RARB: variants seen among roughly 807,000 people sequenced by gnomAD.
The protein encoded by RARB is HBV-activated protein.
In RARB, 17 loss-of-function variants were observed where a neutral mutation model predicts 51.9. The observed-to-expected ratio is 0.33, with a 90% CI of 0.22 to 0.49. The LOEUF is 0.49. RARB is among the 20% of genes least tolerant of loss of function. The pLI, the probability that RARB is intolerant of heterozygous loss-of-function variation, is 0.99. For missense variants in RARB, 369 were observed against 550.8 expected (o/e 0.67, Z 3.30); for synonymous variants, 215 against 195.4 (o/e 1.10, Z -0.84).
chr3:24,974,374 A>G (rs535827578), intron 2 of RARB, among the ~76,000 whole-genome samples: 19 of 152,264 alleles, frequency 1.2e-4, no homozygotes, highest in African/African-American at 3.9e-4. Context: ...ATGAATAAGT[A>G]TTAACTTTTA....
At chr3:25,265,768 G>A (rs2125408846) in intron 5 of RARB, among the ~76,000 whole-genome samples, 1 of 152,218 alleles carries the variant, frequency 6.6e-6, no homozygotes, top group South Asian at 2.1e-4. Flanking sequence ...CACCATGGCT[G>A]TCCAACAAAT....
chr3:25,324,728 TAACA>T (rs1459962563), intron 5 of RARB: 1 of 152,934 alleles, frequency 6.5e-6, no homozygotes, highest in Non-Finnish European at 1.5e-5. Context: ...GCCCTATTCC[TAACA>T]GACAGGAAGG....
At chr3:25,433,914 T>C (rs1437844655) in intron 1 of RARB, among the ~76,000 whole-genome samples, 1 of 152,194 alleles carries the variant, frequency 6.6e-6, no homozygotes, top group Non-Finnish European at 1.5e-5. Context: ...AGAGCCTAAG[T>C]CTACTGGCAT....
In RARB at chr3:24,954,180, C is replaced by T. The variant is rs554594404; in HGVS notation, c.-380+95428C>T. ...CTAACACTCCTGCCAGATTGTGAGG[C>T]CACTCAATTCTTGAAACAACAATAG... On this transcript the variant is annotated intron_variant, in intron 2 of 11. Transcript: ENST00000383772. Among the ~76,000 whole-genome samples the T allele has an allele frequency of 1.2e-4, 18 of 152,264 alleles. No individual in the cohort carries two copies. The South Asian group carries it at 3.7e-3, about 32-fold the overall frequency.
chr3:25,144,911 G>T (rs547604468), intron 4 of RARB, among the ~76,000 whole-genome samples: 1 of 152,152 alleles, frequency 6.6e-6, no homozygotes, highest in Non-Finnish European at 1.5e-5. Context: ...AATTTACCTT[G>T]TCTAATTAGC....
At chr3:24,960,480 G>C (rs748352434) in intron 2 of RARB, among the ~76,000 whole-genome samples, 1 of 152,226 alleles carries the variant, frequency 6.6e-6, no homozygotes, top group Non-Finnish European at 1.5e-5. Flanking sequence ...GTTTGTGAGA[G>C]TGTGTGCCTG....
chr3:25,237,517 G>A (rs929636616), intron 5 of RARB, among the ~76,000 whole-genome samples: 1 of 151,936 alleles, frequency 6.6e-6, no homozygotes, highest in Non-Finnish European at 1.5e-5. Flanking sequence ...TTTTAAAAAA[G>A]CCACCCTCCA....
chr3:25,556,416 G>A (rs1173125735), intron 3 of RARB, among the ~76,000 whole-genome samples: 2 of 152,074 alleles, frequency 1.3e-5, no homozygotes. Flanking sequence ...GACTGAGAGT[G>A]ACCCCTCAAT....
chr3:25,448,747 G>A (rs1432153390), intron 1 of RARB, among the ~76,000 whole-genome samples: 3 of 152,170 alleles, frequency 2.0e-5, no homozygotes, highest in East Asian at 3.9e-4. Context: ...GATTATAGGC[G>A]TGAGCCACCG....
At chr3:24,923,028 C>A (rs1172120523) in intron 2 of RARB, among the ~76,000 whole-genome samples, 1 of 152,086 alleles carries the variant, frequency 6.6e-6, no homozygotes, top group Admixed American at 6.6e-5. Context: ...CACCAACTTC[C>A]AAAATGATGA....
chr3:25,140,525 C>A (rs553657767), intron 4 of RARB, among the ~76,000 whole-genome samples: 64 of 152,158 alleles, frequency 4.2e-4, no homozygotes, highest in Non-Finnish European at 8.2e-4. Context: ...GGAGTTGCTT[C>A]TTGTGGATGA....
rs542557429 is a variant in RARB at position 25,200,662 on chromosome 3, C to T, written c.178+26087C>T. ...TCCAGTTTCAGCTTTCTACATATGGCTAGCCAGTTTTCCCAGCACCATTTA... is the reference window on the plus strand; with the variant it reads ...TCCAGTTTCAGCTTTCTACATATGGTTAGCCAGTTTTCCCAGCACCATTTA... On this transcript the variant is annotated intron_variant, in intron 5 of 11. Coordinates refer to the RARB transcript ENST00000383772. Among the ~76,000 whole-genome samples, 393 of 152,216 alleles carry T rather than the reference C, an allele frequency of 2.6e-3. 1 individual carries two copies. The highest frequency in any genetic ancestry group is 0.01 in the Middle Eastern group (3 of 294).
intron 5 of RARB, among the ~76,000 whole-genome samples, chr3:25,411,442 C>T (rs1707560214): frequency 6.6e-6 from 1 of 152,188 alleles, no homozygotes; most frequent in South Asian, 2.1e-4. Flanking sequence ...TAAAACCATA[C>T]AAAAAATAGT....
chr3:25,188,779 G>C (rs1390804367), intron 5 of RARB, among the ~76,000 whole-genome samples: 2 of 151,914 alleles, frequency 1.3e-5, no homozygotes, highest in African/African-American at 4.8e-5. Context: ...GGTATTTCTT[G>C]AATTCATTTA....
intron 2 of RARB, among the ~76,000 whole-genome samples, chr3:24,911,000 C>A (rs1299268528): frequency 2.0e-5 from 3 of 152,204 alleles, no homozygotes; most frequent in Non-Finnish European, 2.9e-5. Context: ...GTAACTATTG[C>A]TTCCAGCAGA....
At chr3:24,876,911 T>A (rs1703057109) in intron 2 of RARB, among the ~76,000 whole-genome samples, 2 of 152,134 alleles carry the variant, frequency 1.3e-5, no homozygotes, top group Non-Finnish European at 2.9e-5. Context: ...CAAAACAGAT[T>A]TATCATAAAA....
chr3:24,952,410 C>T (rs1469541846), intron 2 of RARB, among the ~76,000 whole-genome samples: 1 of 152,132 alleles, frequency 6.6e-6, no homozygotes, highest in East Asian at 1.9e-4. Context: ...TTGACCCTCT[C>T]AAAAATTCTT....
intron 2 of RARB, among the ~76,000 whole-genome samples, chr3:24,973,938 T>C (rs1192493183): frequency 6.6e-6 from 1 of 152,098 alleles, no homozygotes; most frequent in Non-Finnish European, 1.5e-5. Context: ...TGGGTGCCCT[T>C]TACTTCCTTC....
At chr3:25,188,063 T>C (rs551810235) in intron 5 of RARB, among the ~76,000 whole-genome samples, 13 of 152,258 alleles carry the variant, frequency 8.5e-5, no homozygotes, top group African/African-American at 3.1e-4. Flanking sequence ...ACCGAATTAA[T>C]AGAATTAAAT....
Sources: allele counts gnomAD v4.1 joint callset (sites outside exome capture counted in the v4.1 genomes callset), GRCh38; gene constraint gnomAD v4.1.1; transcripts MANE v1.5; gene names NCBI Gene and HGNC (gene_info 2026-07-23, HGNC 2026-07-21).